KRR1: variants seen among roughly 807,000 people sequenced by gnomAD.
KRR1 encodes the protein KRR1 small subunit processome component.
Under a neutral mutation model 50.0 loss-of-function variants are expected in KRR1, and 23 were observed. The observed-to-expected ratio is 0.46, with a 90% CI of 0.33 to 0.65. The LOEUF (loss-of-function observed/expected upper bound fraction) is 0.65, where lower values mean the gene tolerates loss of function less well. KRR1 is among the 30% of genes least tolerant of loss of function. The pLI, the probability that KRR1 is intolerant of heterozygous loss-of-function variation, is 0.02. For synonymous variants in KRR1, 133 were observed against 146.3 expected, an observed-to-expected ratio of 0.91 and a Z score of 0.66; for missense variants, 419 against 442.4, an observed-to-expected ratio of 0.95 and a Z score of 0.47.
At chr12:75,501,087 G>A (rs1360292797) in intron 9 of KRR1, 1 of 152,118 alleles carries the variant, frequency 6.6e-6, no homozygotes, top group Non-Finnish European at 1.5e-5. Context: ...TCACTTTGGA[G>A]GGTTACTTTA....
At chr12:75,511,351 C>T (rs563158331) in intron 1 of KRR1, among the ~76,000 whole-genome samples, 162 bp downstream of exon 1, 1 of 152,178 alleles carries the variant, frequency 6.6e-6, no homozygotes. Flanking sequence ...TATCGGCCAG[C>T]CGTTCCTGTG....
chr12:75,497,535 G>GAAAGT lies in KRR1; in HGVS notation c.*2269_*2273dup, dbSNP rs1206996939. ...TTTTCATGTAAGTTTAGGCTTACTTGAAAGTATTCTACTCTTCGCACTAAT... is the reference window on the plus strand; with the variant it reads ...TTTTCATGTAAGTTTAGGCTTACTTGAAAGTAAAGTATTCTACTCTTCGCACTAAT... On this transcript the variant is annotated 3_prime_UTR_variant, in exon 10 of 10. Coordinates refer to ENST00000229214, the MANE Select transcript of KRR1 (RefSeq NM_007043.7). 3 of 152,124 alleles carry GAAAGT rather than the reference G, an allele frequency of 2.0e-5. No homozygotes were observed. The highest frequency in any genetic ancestry group is 2.9e-5 in the Non-Finnish European group (2 of 68,012). 9.4% of individuals were successfully genotyped at this position (152,124 alleles called of 1,614,324 possible).
In KRR1 at chr12:75,494,048, A is replaced by G. The variant is rs1316482077; in HGVS notation, c.*5761T>C. 1 of 152,220 alleles carries G rather than the reference A, an allele frequency of 6.6e-6. No homozygotes were observed. The highest frequency in any genetic ancestry group is 1.5e-5 in the Non-Finnish European group (1 of 68,044). The allele number at this position is 152,220 out of a possible 1,614,324, so 9.4% of individuals were successfully genotyped here. Reference sequence around the variant, plus strand: ...ATTTTGGACATCTTTTGAAATTGCTATCAGAATTTCTACTATATTACCTTT... The same window carrying G: ...ATTTTGGACATCTTTTGAAATTGCTGTCAGAATTTCTACTATATTACCTTT... On this transcript the variant is annotated 3_prime_UTR_variant, in exon 10 of 10. Coordinates refer to ENST00000229214, the MANE Select transcript of KRR1 (RefSeq NM_007043.7).
At position 75,498,820 on chromosome 12, in the gene KRR1, A is replaced by G. The variant is rs2120577808; in HGVS notation, c.*989T>C. 6.2e-7 allele frequency: 1 copy of G among 1,612,458 alleles called. No individual in the cohort carries two copies. The highest frequency in any genetic ancestry group is 2.2e-5 in the East Asian group (1 of 44,818). ...TAAGAGGATATTCTATGTTTGTTTC[A>G]CAGGTTACTACTCTGTTGTATATCC... On this transcript the variant is annotated 3_prime_UTR_variant, in exon 10 of 10. Coordinates refer to ENST00000229214, the MANE Select transcript of KRR1 (RefSeq NM_007043.7).
At position 75,501,769 on chromosome 12, in the gene KRR1, T is replaced by C; in HGVS notation, c.957A>G (p.Lys319=). 1.2e-6 allele frequency: 2 copies of C among 1,611,222 alleles called. No homozygotes were observed. Among genetic ancestry groups the C allele is most frequent in the Non-Finnish European group, 1.7e-6 (2 of 1,178,482 alleles). ...GTTTTTCCTTAGGTGGAATAAATGC[T>C]TTGTTTCTTTCCTCTTGTCTCTTAC... ...AISKRQEERN[K]AFIPPKEKPI... The change falls in exon 9 of 10, where the codon AAA becomes AAG. Residue 319 remains lysine, a synonymous_variant. Coordinates refer to ENST00000229214, the MANE Select transcript of KRR1 (RefSeq NM_007043.7).
In KRR1 at chr12:75,508,311, T is replaced by G; in HGVS notation, c.221A>C (p.Glu74Ala). 6.2e-7 allele frequency: 1 copy of G among 1,613,162 alleles called. No homozygotes were observed. The highest frequency in any genetic ancestry group is 8.5e-7 in the Non-Finnish European group (1 of 1,179,606). ...GGCTTTCTGCACCAATGGCCAACAC[T>G]CTTTCAAGTAAGCTTCCCTGTATTT... ...FPKYREAYLK[E>A]CWPLVQKALN... Residue 74 changes from glutamate (E) to alanine (A), a missense_variant, in exon 2 of 10, where the codon GAG (glutamate) becomes GCG (alanine). Coordinates refer to ENST00000229214, the MANE Select transcript of KRR1 (RefSeq NM_007043.7).
At chr12:75,504,204 C>A in intron 6 of KRR1, 130 bp from the exon 7 acceptor site, 1 of 541,350 alleles carries the variant, frequency 1.8e-6, no homozygotes, top group Non-Finnish European at 3.1e-6. Context: ...GAAATTAAAC[C>A]AATTACATAA....
At chr12:75,501,597 G>GT in intron 9 of KRR1, 126 bp downstream of exon 9, 1 of 650,010 alleles carries the variant, frequency 1.5e-6, no homozygotes, top group Non-Finnish European at 2.6e-6. Flanking sequence ...CTTAGGATTA[G>GT]TAATTAATGA....
chr12:75,500,075 T>C (rs1273100487), intron 9 of KRR1, 124 bp from the exon 10 acceptor site: 1 of 695,038 alleles, frequency 1.4e-6, no homozygotes, highest in Non-Finnish European at 2.2e-6. Context: ...TATAATTGAA[T>C]AATTGAAAGG....
At chr12:75,506,630 A>AAAAAAAAAAAAAAAAG in intron 3 of KRR1, 21 bp from the exon 4 acceptor site, 1 of 1,551,828 alleles carries the variant, frequency 6.4e-7, no homozygotes, top group Non-Finnish European at 8.6e-7. Context: ...AAAAAAAAAA[A>AAAAAAAAAAAAAAAAG]AAAGAAGACA....
Position 75,492,093 on chromosome 12 carries a change from T to G in KRR1, c.*7716A>C, listed in dbSNP as rs2046327117. On this transcript the variant is annotated 3_prime_UTR_variant, in exon 10 of 10. Transcript: ENST00000229214. ...TTAGTGGTAACTTTTCATGACTTTTTTTTTTTTTTTTGAGACAGGGTCTCT... is the reference window on the plus strand; with the variant it reads ...TTAGTGGTAACTTTTCATGACTTTTGTTTTTTTTTTTGAGACAGGGTCTCT... 1 of 151,206 alleles carries G rather than the reference T, an allele frequency of 6.6e-6. No homozygotes were observed. The highest frequency in any genetic ancestry group is 1.5e-5 in the Non-Finnish European group (1 of 67,776). 9.4% of individuals were successfully genotyped at this position (151,206 alleles called of 1,614,324 possible).
Position 75,495,668 on chromosome 12 carries a change from T to C in KRR1, c.*4141A>G. 6.5e-7 allele frequency: 1 copy of C among 1,531,492 alleles called. No homozygotes were observed. Among genetic ancestry groups the C allele is most frequent in the Non-Finnish European group, 9.0e-7 (1 of 1,105,296 alleles). 94.9% of individuals were successfully genotyped at this position (1,531,492 alleles called of 1,614,324 possible). ...GTGTTTGGACAATCTCTGTGGTGAG[T>C]AAAAGGAACAATACACCAATAGAAT... On this transcript the variant is annotated 3_prime_UTR_variant, in exon 10 of 10. Coordinates refer to ENST00000229214, the MANE Select transcript of KRR1 (RefSeq NM_007043.7).
At position 75,492,720 on chromosome 12, in the gene KRR1, T is replaced by C. The variant is rs1301370146; in HGVS notation, c.*7089A>G. On this transcript the variant is annotated 3_prime_UTR_variant, in exon 10 of 10. Coordinates refer to ENST00000229214, the MANE Select transcript of KRR1 (RefSeq NM_007043.7). Reference sequence around the variant, plus strand: ...CTTCCATAAAGACTAACTTCAAATATTCATTTATTCAACAAATATTTGTTT... The same window carrying C: ...CTTCCATAAAGACTAACTTCAAATACTCATTTATTCAACAAATATTTGTTT... 1.3e-5 allele frequency: 2 copies of C among 152,204 alleles called. No homozygotes were observed. Among genetic ancestry groups the C allele is most frequent in the East Asian group, 1.9e-4 (1 of 5,198 alleles). 9.4% of individuals were successfully genotyped at this position (152,204 alleles called of 1,614,324 possible).
At chr12:75,511,362 G>A in intron 1 of KRR1, 151 bp downstream of exon 1, 1 of 667,972 alleles carries the variant, frequency 1.5e-6, no homozygotes, top group Non-Finnish European at 2.6e-6. Flanking sequence ...CGTTCCTGTG[G>A]GCCCAGCCAA....
At position 75,499,254 on chromosome 12, in the gene KRR1, C is replaced by A. The variant is rs781625494; in HGVS notation, c.*555G>T. 8.0e-6 allele frequency: 2 copies of A among 248,742 alleles called. No homozygotes were observed. Among genetic ancestry groups the A allele is most frequent in the Non-Finnish European group, 1.5e-5 (2 of 131,836 alleles). 15.4% of individuals were successfully genotyped at this position (248,742 alleles called of 1,614,324 possible). A position where few individuals can be genotyped will look rare whatever the true frequency, so the allele number is the denominator to read the frequency against. On this transcript the variant is annotated 3_prime_UTR_variant, in exon 10 of 10. Coordinates refer to ENST00000229214, the MANE Select transcript of KRR1 (RefSeq NM_007043.7). Reference sequence around the variant, plus strand: ...CTAAATCTGCAAAATGAGCAAGGTACAGTAGCACATTTTTAGGTGATTCTT... The same window carrying A: ...CTAAATCTGCAAAATGAGCAAGGTAAAGTAGCACATTTTTAGGTGATTCTT...
intron 1 of KRR1, 94 bp from the exon 2 acceptor site, chr12:75,508,540 C>A: frequency 1.2e-6 from 1 of 818,138 alleles, no homozygotes; most frequent in Non-Finnish European, 1.9e-6. Context: ...TTATGAACAT[C>A]CTATGCACAT....
Position 75,504,043 on chromosome 12 carries a change from T to C in KRR1, c.692A>G (p.Asp231Gly). Reference protein sequence around the residue: ...SLMIKRELAKDSELRSQSWER... With the variant: ...SLMIKRELAKGSELRSQSWER... Reference sequence around the variant, plus strand: ...CCAACTTTGTGATCGTAATTCAGAATCTTTTGCCAACTCTCTCTTAATCAT... The same window carrying C: ...CCAACTTTGTGATCGTAATTCAGAACCTTTTGCCAACTCTCTCTTAATCAT... Residue 231 changes from aspartate (D) to glycine (G), a missense_variant, in exon 7 of 10, where the codon GAT becomes GGT. Asp to Gly is a moderately conservative substitution (Grantham distance 94). Transcript: ENST00000229214. 6.2e-7 allele frequency: 1 copy of C among 1,611,890 alleles called. No homozygotes were observed. Among genetic ancestry groups the C allele is most frequent in the Non-Finnish European group, 8.5e-7 (1 of 1,178,624 alleles).
At position 75,494,700 on chromosome 12, in the gene KRR1, A is replaced by G. The variant is rs963444010; in HGVS notation, c.*5109T>C. 6.6e-6 allele frequency: 1 copy of G among 152,228 alleles called. No individual in the cohort carries two copies. The highest frequency in any genetic ancestry group is 2.4e-5 in the African/African-American group (1 of 41,462). 9.4% of individuals were successfully genotyped at this position (152,228 alleles called of 1,614,324 possible). On this transcript the variant is annotated 3_prime_UTR_variant, in exon 10 of 10. Coordinates refer to ENST00000229214, the MANE Select transcript of KRR1 (RefSeq NM_007043.7). Reference sequence around the variant, plus strand: ...AAAGTTTAGAACTTTTTCCAAAAGCAGAGTTCCAAAAAAAATTAGTGCAAT... The same window carrying G: ...AAAGTTTAGAACTTTTTCCAAAAGCGGAGTTCCAAAAAAAATTAGTGCAAT...
In KRR1 at chr12:75,498,680, CCCT is replaced by C. The variant is rs781048709; in HGVS notation, c.*1126_*1128del. On this transcript the variant is annotated 3_prime_UTR_variant, in exon 10 of 10. Coordinates refer to ENST00000229214, the MANE Select transcript of KRR1 (RefSeq NM_007043.7). ...CCTTTTAATTTTTTTTCTTTCTTCC[CCCT>C]AACTTTACAGTTAACCGACAGCGAG... is the stretch of plus-strand genomic sequence containing the variant. The C allele has an allele frequency of 1.9e-6, 3 of 1,607,950 alleles. No individual in the cohort carries two copies. The highest frequency in any genetic ancestry group is 1.7e-5 in the Admixed American group (1 of 59,884).
Sources: allele counts gnomAD v4.1 joint callset (sites outside exome capture counted in the v4.1 genomes callset), GRCh38; gene constraint gnomAD v4.1.1; transcripts MANE v1.5; gene names NCBI Gene and HGNC (gene_info 2026-07-23, HGNC 2026-07-21).